Variants in OPCML observed in about 807,000 individuals in gnomAD.
OPCML encodes the protein opioid-binding protein/cell adhesion molecule.
A neutral mutation model predicts 37.8 loss-of-function variants in OPCML; 13 were observed. That is an observed-to-expected ratio of 0.34 (90% confidence interval 0.22 to 0.55). The LOEUF (loss-of-function observed/expected upper bound fraction) is 0.55, where lower values mean the gene tolerates loss of function less well. OPCML is among the 20% of genes least tolerant of loss of function. The pLI, the probability that OPCML is intolerant of heterozygous loss-of-function variation, is 0.91. For synonymous variants in OPCML, 176 were observed against 168.8 expected (o/e 1.04, Z -0.33); for missense variants, 341 against 435.6 (o/e 0.78, Z 1.93).
At chr11:132,421,811 A>T (rs1296984810) in intron 7 of OPCML, among the ~76,000 whole-genome samples, 5 of 152,188 alleles carry the variant, frequency 3.3e-5, no homozygotes, top group Admixed American at 2.0e-4. Context: ...GGCCTCCAGC[A>T]GTCCTGGCAC....
intron 4 of OPCML, among the ~76,000 whole-genome samples, chr11:132,448,280 G>A (rs533109459): frequency 1.9e-4 from 29 of 152,244 alleles, no homozygotes; most frequent in Middle Eastern, 3.4e-3. Context: ...CATCACAGCC[G>A]TTTAACAATG....
intron 1 of OPCML, among the ~76,000 whole-genome samples, chr11:133,179,336 G>T (rs1937710831): frequency 6.6e-6 from 1 of 152,118 alleles, no homozygotes; most frequent in Non-Finnish European, 1.5e-5. Context: ...CATCTCAGGG[G>T]TTGGTTGGCA....
chr11:133,355,419 G>A (rs928313849), intron 1 of OPCML, among the ~76,000 whole-genome samples: 3 of 152,164 alleles, frequency 2.0e-5, no homozygotes, highest in African/African-American at 4.8e-5. Context: ...CAAAGATCCA[G>A]GATTGTTAAT....
intron 1 of OPCML, among the ~76,000 whole-genome samples, chr11:133,129,799 T>C (rs889860638): frequency 6.6e-6 from 1 of 152,062 alleles, no homozygotes; most frequent in Non-Finnish European, 1.5e-5. Context: ...CCTCAGCTAC[T>C]TGGGAGGCTG....
intron 1 of OPCML, among the ~76,000 whole-genome samples, chr11:133,225,932 A>G (rs1775108372): frequency 6.6e-6 from 1 of 152,250 alleles, no homozygotes; most frequent in African/African-American, 2.4e-5. Flanking sequence ...CTTCCCATGC[A>G]TTACATCATT....
intron 1 of OPCML, among the ~76,000 whole-genome samples, chr11:133,163,509 A>C (rs1429686756): frequency 6.6e-6 from 1 of 152,230 alleles, no homozygotes; most frequent in Non-Finnish European, 1.5e-5. Context: ...GGCAGGAGTC[A>C]TTCAGGAATA....
chr11:133,265,294 G>A (rs377510967), intron 1 of OPCML, among the ~76,000 whole-genome samples: 63 of 152,322 alleles, frequency 4.1e-4, no homozygotes, highest in Non-Finnish European at 7.2e-4. Flanking sequence ...TCAGGGTAAC[G>A]GGTGTGGGGA....
chr11:132,733,824 T>C (rs1410943445), intron 2 of OPCML, among the ~76,000 whole-genome samples: 1 of 151,888 alleles, frequency 6.6e-6, no homozygotes, highest in Non-Finnish European at 1.5e-5. Flanking sequence ...TGCTGACAGA[T>C]TGGGAGAAAA....
chr11:133,034,741 G>GT (rs1241657327), intron 1 of OPCML, among the ~76,000 whole-genome samples: 14 of 144,312 alleles, frequency 9.7e-5, no homozygotes, highest in East Asian at 4.3e-4. Flanking sequence ...AAAGTCTGTT[G>GT]TTTTTTTTCC....
At chr11:132,700,023 G>A (rs1943746875) in intron 2 of OPCML, among the ~76,000 whole-genome samples, 1 of 151,620 alleles carries the variant, frequency 6.6e-6, no homozygotes, top group Admixed American at 6.6e-5. Context: ...CCTTGTAATT[G>A]GCCTATTCAG....
intron 2 of OPCML, among the ~76,000 whole-genome samples, chr11:132,717,967 G>C: frequency 6.6e-6 from 1 of 152,230 alleles, no homozygotes; most frequent in East Asian, 1.9e-4. Flanking sequence ...GAGTAATCCT[G>C]TGGTTCTTCC....
At chr11:133,130,795 T>C (rs182590392) in intron 1 of OPCML, among the ~76,000 whole-genome samples, 1 of 152,200 alleles carries the variant, frequency 6.6e-6, no homozygotes, top group Non-Finnish European at 1.5e-5. Flanking sequence ...ACAAACATAG[T>C]CAACTAAATT....
intron 3 of OPCML, among the ~76,000 whole-genome samples, chr11:132,616,635 A>G (rs2137885011): frequency 6.6e-6 from 1 of 152,318 alleles, no homozygotes. Context: ...ATTTTTTCAC[A>G]GACGGTTTTA....
intron 1 of OPCML, among the ~76,000 whole-genome samples, chr11:133,186,901 T>C (rs1209609353): frequency 6.6e-6 from 1 of 152,164 alleles, no homozygotes; most frequent in Non-Finnish European, 1.5e-5. Context: ...GTTCTCAGGG[T>C]AGGCCTCATT....
chr11:133,497,737 G>A (rs1404858874), intron 1 of OPCML, among the ~76,000 whole-genome samples: 2 of 152,192 alleles, frequency 1.3e-5, no homozygotes, highest in Non-Finnish European at 2.9e-5. Flanking sequence ...GGCAGTTTGT[G>A]CTATTTCCCC....
intron 1 of OPCML, chr11:133,361,513 C>A (rs1220902427): frequency 1.3e-5 from 2 of 154,032 alleles, no homozygotes; most frequent in Admixed American, 6.5e-5. Context: ...TCGCCCGCCG[C>A]GCATCAGTGC....
chr11:133,178,160 T>C (rs1299046491), intron 1 of OPCML, among the ~76,000 whole-genome samples: 2 of 152,148 alleles, frequency 1.3e-5, no homozygotes, highest in Non-Finnish European at 2.9e-5. Flanking sequence ...GCAATATCAC[T>C]GGGCCTGACA....
At chr11:133,310,394 A>G (rs899641896) in intron 1 of OPCML, among the ~76,000 whole-genome samples, 2 of 152,126 alleles carry the variant, frequency 1.3e-5, no homozygotes, top group Admixed American at 6.5e-5. Flanking sequence ...TGATGCTTGA[A>G]TCTCAGATTT....
chr11:133,330,714 A>C (rs1565576174), intron 1 of OPCML, among the ~76,000 whole-genome samples: 1 of 152,030 alleles, frequency 6.6e-6, no homozygotes, highest in East Asian at 1.9e-4. Context: ...GAAGGATAGC[A>C]TAGGAGATAT....
Sources: allele counts gnomAD v4.1 joint callset (sites outside exome capture counted in the v4.1 genomes callset), GRCh38; gene constraint gnomAD v4.1.1; transcripts MANE v1.5; gene names NCBI Gene and HGNC (gene_info 2026-07-23, HGNC 2026-07-21).